The following ZZEF1 variants were observed in gnomAD, a reference collection of about 807,000 sequenced individuals.
The protein encoded by ZZEF1 is zinc finger ZZ-type and EF-hand domain containing 1, also known as zinc finger ZZ-type and EF-hand domain-containing protein 1.
In ZZEF1, 157 loss-of-function variants were observed where a neutral mutation model predicts 342.8. The ratio of observed to expected loss-of-function variants is 0.46; its 90% CI spans 0.40 to 0.52. The LOEUF (loss-of-function observed/expected upper bound fraction) is 0.52, where lower values mean the gene tolerates loss of function less well. Among genes scored for constraint, ZZEF1 ranks in the 20% least tolerant of loss-of-function variants. The pLI is 0.00. For synonymous variants in ZZEF1, 1,505 were observed against 1,429.1 expected, an observed-to-expected ratio of 1.05 and a Z score of -1.20; for missense variants, 3,480 against 3,725.6, an observed-to-expected ratio of 0.93 and a Z score of 1.72.
intron 6 of ZZEF1, among the ~76,000 whole-genome samples, chr17:4,109,124 T>G (rs562152883): frequency 6.6e-6 from 1 of 152,352 alleles, no homozygotes; most frequent in African/African-American, 2.4e-5. Flanking sequence ...CTGAAAAGAT[T>G]TCACTCATTC....
rs975742413 is a variant in ZZEF1, at chr17:4,064,216, A to G, written c.4718+145T>C. The G allele has an allele frequency of 5.8e-5, 41 of 711,818 alleles. No individual in the cohort carries two copies. In the African/African-American group the frequency reaches 5.8e-4, roughly 10 times the overall value. 44.1% of individuals were successfully genotyped at this position (711,818 alleles called of 1,614,324 possible). A position where few individuals can be genotyped will look rare whatever the true frequency, so the allele number is the denominator to read the frequency against. ...TCTTTAAAGAAAAAAAAAAAAATCA[A>G]AACTTTTCTTGAATATTCTAAAACA... On this transcript the variant is annotated intron_variant, in intron 29 of 54. Coordinates refer to ENST00000381638, the MANE Select transcript of ZZEF1 (RefSeq NM_015113.4).
At chr17:4,047,857 T>C (rs554139973) in intron 37 of ZZEF1, among the ~76,000 whole-genome samples, 11 of 148,070 alleles carry the variant, frequency 7.4e-5, no homozygotes, top group African/African-American at 1.8e-4. Flanking sequence ...AGGAGGATCA[T>C]TGGAGCCCAG....
In ZZEF1 at chr17:4,132,957, C is replaced by T. The variant is rs186268302; in HGVS notation, c.355-8906G>A. ...GTCCAGCCTGGGCGACAGAGCGAGA[C>T]TCCATCTCAAAAAAAAAAGTGGAGC... On this transcript the variant is annotated intron_variant, in intron 1 of 54. Coordinates refer to ENST00000381638, the MANE Select transcript of ZZEF1 (RefSeq NM_015113.4). Among the ~76,000 whole-genome samples the T allele has an allele frequency of 4.0e-4, 60 of 149,586 alleles. 1 individual carries two copies. Among genetic ancestry groups the T allele is most frequent in the African/African-American group, 1.2e-3 (48 of 39,624 alleles).
At chr17:4,027,218 T>C (rs1025232602) in intron 42 of ZZEF1, among the ~76,000 whole-genome samples, 1 of 151,632 alleles carries the variant, frequency 6.6e-6, no homozygotes, top group Admixed American at 6.6e-5. Context: ...TCAAGCTTTG[T>C]GATCCTGTCT....
At chr17:4,104,846 A>T in intron 7 of ZZEF1, 35 bp from the exon 8 acceptor site, 2 of 1,591,030 alleles carry the variant, frequency 1.3e-6, no homozygotes, top group South Asian at 2.3e-5. Flanking sequence ...TCACTTCTTA[A>T]AAACATGAAA....
Position 4,034,061 on chromosome 17 carries a change from T to C in ZZEF1, c.6538A>G (p.Lys2180Glu), listed in dbSNP as rs200485831. The C allele has an allele frequency of 1.2e-4, 187 of 1,614,068 alleles. No individual in the cohort carries two copies. Among genetic ancestry groups the C allele is most frequent in the Non-Finnish European group, 1.6e-4 (184 of 1,180,034 alleles). ...GDSSIVPDGW[K>E]TTHLLFSLGA... Reference sequence around the variant, plus strand: ...AGGCTAAAGAGCAGGTGGGTGGTTTTCCAGCCATCTGGCACAATGGAACTG... The same window carrying C: ...AGGCTAAAGAGCAGGTGGGTGGTTTCCCAGCCATCTGGCACAATGGAACTG... The change falls in exon 40 of 55, where the codon AAA (lysine) becomes GAA (glutamate). Residue 2180 changes from lysine (K) to glutamate (E), a missense_variant. Transcript: ENST00000381638.
At position 4,096,700 on chromosome 17, in the gene ZZEF1, C is replaced by G; in HGVS notation, c.1673G>C (p.Gly558Ala). The G allele has an allele frequency of 1.9e-6, 3 of 1,613,234 alleles. No homozygotes were observed. The highest frequency in any genetic ancestry group is 2.5e-6 in the Non-Finnish European group (3 of 1,179,668). The change falls in exon 10 of 55, where the codon GGT becomes GCT. Residue 558 changes from glycine (G) to alanine (A), a missense_variant and splice_region_variant. Coordinates refer to ENST00000381638, the MANE Select transcript of ZZEF1 (RefSeq NM_015113.4). ...NLLVEPWTRD[G>A]FLTETGKTRA... ...GGTTTTTCCAGTTTCCGTAAGAAAA[C>G]CTGAAAAAAGGGAAAACTCAAGTTA...
At chr17:4,120,922 T>TA (rs2058472667) in intron 2 of ZZEF1, among the ~76,000 whole-genome samples, 1 of 152,202 alleles carries the variant, frequency 6.6e-6, no homozygotes, top group South Asian at 2.1e-4. Context: ...TCTTAAACGC[T>TA]TAAGCACCAA....
At chr17:4,031,480 G>A (rs1472175943) in intron 42 of ZZEF1, among the ~76,000 whole-genome samples, 2 of 152,154 alleles carry the variant, frequency 1.3e-5, no homozygotes, top group Non-Finnish European at 2.9e-5. Flanking sequence ...ATTGGATGGA[G>A]AAAGGATGGC....
At chr17:4,083,796 C>G (rs1464609027) in intron 16 of ZZEF1, among the ~76,000 whole-genome samples, 1 of 152,136 alleles carries the variant, frequency 6.6e-6, no homozygotes, top group Admixed American at 6.5e-5. Context: ...TGCCACCACG[C>G]CCGGCTTCCC....
intron 1 of ZZEF1, among the ~76,000 whole-genome samples, chr17:4,131,823 T>C (rs1413463102): frequency 1.3e-5 from 2 of 151,990 alleles, no homozygotes; most frequent in African/African-American, 4.8e-5. Flanking sequence ...GGCACAGCAA[T>C]GTAAAGAACT....
intron 45 of ZZEF1, chr17:4,019,999 C>T (rs1228325881): frequency 6.9e-6 from 3 of 435,794 alleles, no homozygotes; most frequent in Non-Finnish European, 1.2e-5. Flanking sequence ...AACACTAAAA[C>T]CCCAAAGAAA....
intron 2 of ZZEF1, among the ~76,000 whole-genome samples, chr17:4,118,880 G>A (rs1282726102): frequency 6.6e-6 from 1 of 152,204 alleles, no homozygotes; most frequent in East Asian, 1.9e-4. Flanking sequence ...AATAAGTCCA[G>A]TGTGTTTGCT....
At chr17:4,061,728 T>G (rs2057290941) in intron 30 of ZZEF1, among the ~76,000 whole-genome samples, 1 of 152,152 alleles carries the variant, frequency 6.6e-6, no homozygotes, top group Admixed American at 6.5e-5. Context: ...TTCCTTCATT[T>G]ACCCTCTCCA....
rs573043855 is a variant in ZZEF1, at chr17:4,099,260, T to C, written c.1673-2560A>G. ...GTTTTTTAGACACAGGGTCTCGCTC[T>C]GTTGCCCAGGCTGGAGTGCAGTGGT... On this transcript the variant is annotated intron_variant, in intron 9 of 54. Coordinates refer to ENST00000381638, the MANE Select transcript of ZZEF1 (RefSeq NM_015113.4). 4.6e-5 allele frequency among the ~76,000 whole-genome samples: 7 copies of C among 152,350 alleles called. No homozygotes were observed. In the South Asian group the frequency reaches 1.0e-3, roughly 23 times the overall value.
In ZZEF1 at chr17:4,009,838, G is replaced by A; in HGVS notation, c.8580-81C>T. ...TGGCTTACAGCTGGCAGGAACCACA[G>A]CTCAGACCCTCCCTCTCCCACAGCT... On this transcript the variant is annotated intron_variant, in intron 52 of 54. Transcript: ENST00000381638. 3.4e-6 allele frequency: 5 copies of A among 1,492,518 alleles called. No homozygotes were observed. The Admixed American group carries it at 6.1e-5, about 18-fold the overall frequency. The allele number at this position is 1,492,518 out of a possible 1,614,324, so 92.5% of individuals were successfully genotyped here.
intron 39 of ZZEF1, among the ~76,000 whole-genome samples, chr17:4,036,805 ACACACACACACACTCTCTCTCTCT>A (rs1177521919): frequency 2.2e-4 from 21 of 93,506 alleles, no homozygotes; most frequent in Non-Finnish European, 3.3e-4. Flanking sequence ...ACACACACAC[ACACACACACACACTCTCTCTCTCT>A]CTCTCTCTCT....
chr17:4,066,538 T>C lies in ZZEF1; in HGVS notation c.4158A>G (p.Leu1386=), dbSNP rs1346642961. The C allele has an allele frequency of 1.2e-6, 2 of 1,614,066 alleles. No homozygotes were observed. Among genetic ancestry groups the C allele is most frequent in the South Asian group, 1.1e-5 (1 of 91,084 alleles). The change falls in exon 28 of 55, where the codon TTA becomes TTG. Residue 1386 remains leucine, a splice_region_variant and synonymous_variant. Transcript: ENST00000381638. ...SLADGIRIWM[L]EMKQKSLMSL... ...TCATCAGGGACTTCTGCTTCATCTC[T>C]AACTAGGGGAGAATTTGAGCCACAT... is the stretch of plus-strand genomic sequence containing the variant.
Position 4,009,648 on chromosome 17 carries a change from G to C in ZZEF1, c.8689C>G (p.Arg2897Gly). 1.2e-6 allele frequency: 2 copies of C among 1,614,094 alleles called. No homozygotes were observed. Among genetic ancestry groups the C allele is most frequent in the Non-Finnish European group, 1.7e-6 (2 of 1,180,036 alleles). The change falls in exon 53 of 55, where the codon CGT becomes GGT. Residue 2897 changes from arginine to glycine, a missense_variant. Arg to Gly is a moderately radical substitution (Grantham distance 125, BLOSUM62 -2). This residue lies in a region of ZZEF1 where 1,269 missense variants were observed against 1,342.4 expected (regional missense o/e 0.95). Transcript: ENST00000381638. ...TQPGILLPLH[R>G]ALTELFFVTE... ...ACGAAGAAGAGCTCAGTGAGGGCAC[G>C]ATGCAGGGGAAGGAGGATGCCGGGC...
Sources: gnomAD v4.1 joint callset for allele counts (sites outside exome capture counted in the v4.1 genomes callset) on GRCh38, gnomAD v4.1.1 for gene constraint, gnomAD v4.1.1 regional missense constraint, MANE v1.5 for transcripts, NCBI Gene and HGNC (gene_info 2026-07-23, HGNC 2026-07-21) for gene names.